The following LCOR variants were observed in gnomAD, a reference collection of about 807,000 sequenced individuals.
LCOR encodes the protein ligand-dependent corepressor.
In LCOR, 14 loss-of-function variants were observed where a neutral mutation model predicts 64.4. The ratio of observed to expected loss-of-function variants is 0.22; its 90% CI spans 0.14 to 0.34. The LOEUF (loss-of-function observed/expected upper bound fraction) is 0.34, where lower values mean the gene tolerates loss of function less well. LCOR is among the 10% of genes least tolerant of loss of function. LCOR has a pLI of 1.00. For missense variants in LCOR, 1,686 were observed against 1,765.3 expected, an observed-to-expected ratio of 0.96 and a Z score of 0.80; for synonymous variants, 643 against 642.5, an observed-to-expected ratio of 1.00 and a Z score of -0.01.
intron 7 of LCOR, chr10:96,958,914 A>AAC (rs1847827658): frequency 6.6e-6 from 1 of 152,022 alleles, no homozygotes; most frequent in African/African-American, 2.4e-5. Context: ...CTTAAAAAAA[A>AAC]AAAAAAAAAA....
intron 4 of LCOR, among the ~76,000 whole-genome samples, chr10:96,920,051 G>A (rs116421345): frequency 3.9e-5 from 6 of 152,182 alleles, no homozygotes; most frequent in African/African-American, 1.4e-4. Flanking sequence ...CTGTTTTTAA[G>A]TTTTTGAGAA....
intron 2 of LCOR, among the ~76,000 whole-genome samples, chr10:96,835,397 A>T (rs375223292): frequency 6.6e-6 from 1 of 152,226 alleles, no homozygotes. Flanking sequence ...GTGCAGAGCA[A>T]TATTTTAATC....
intron 2 of LCOR, among the ~76,000 whole-genome samples, chr10:96,889,528 A>C (rs1234366936): frequency 6.6e-6 from 1 of 152,202 alleles, no homozygotes. Flanking sequence ...GGGAGGTAGC[A>C]CAAGTGATCT....
intron 2 of LCOR, among the ~76,000 whole-genome samples, chr10:96,840,643 T>C (rs762421941): frequency 2.6e-4 from 40 of 152,320 alleles, no homozygotes; most frequent in Admixed American, 3.9e-4. Context: ...AAAATAGAGA[T>C]GGGGTCTGGG....
At chr10:96,890,797 A>G (rs1381974591) in intron 2 of LCOR, among the ~76,000 whole-genome samples, 1 of 152,148 alleles carries the variant, frequency 6.6e-6, no homozygotes, top group Non-Finnish European at 1.5e-5. Flanking sequence ...GTCAACTGAG[A>G]TGATCAGGTT....
chr10:96,851,119 A>T (rs2134378435), intron 2 of LCOR, among the ~76,000 whole-genome samples: 1 of 152,332 alleles, frequency 6.6e-6, no homozygotes, highest in South Asian at 2.1e-4. Context: ...ATCACGAGGG[A>T]CATCTTTTCT....
At chr10:96,840,192 A>G (rs895755535) in intron 2 of LCOR, among the ~76,000 whole-genome samples, 2 of 152,212 alleles carry the variant, frequency 1.3e-5, no homozygotes, top group African/African-American at 4.8e-5. Flanking sequence ...TGTGAGGGTC[A>G]AGTTAGGAAA....
At chr10:96,915,393 C>T (rs546347871) in intron 4 of LCOR, among the ~76,000 whole-genome samples, 3 of 152,216 alleles carry the variant, frequency 2.0e-5, no homozygotes, top group East Asian at 1.9e-4. Context: ...TGGTGACGTG[C>T]GCCTGTAGTC....
chr10:96,863,206 G>GTTTT (rs869227042), intron 2 of LCOR, among the ~76,000 whole-genome samples: 150 of 125,774 alleles, frequency 1.2e-3, no homozygotes, highest in African/African-American at 4.3e-3. Flanking sequence ...TTCTTTTTCT[G>GTTTT]TTTTTTTTTT....
intron 2 of LCOR, among the ~76,000 whole-genome samples, chr10:96,847,886 TAGC>T (rs1845659505): frequency 1.3e-5 from 2 of 152,250 alleles, no homozygotes; most frequent in African/African-American, 2.4e-5. Flanking sequence ...ATGGGCAAGA[TAGC>T]AGAGGATTGA....
chr10:96,977,817 C>CTCATGTTA (rs1848050916), intron 7 of LCOR, among the ~76,000 whole-genome samples: 1 of 152,144 alleles, frequency 6.6e-6, no homozygotes. Flanking sequence ...GGACTGCAGG[C>CTCATGTTA]TCATGTTAGC....
rs1848157008 is a variant in LCOR at position 96,987,340 on chromosome 10, C to CCA, written c.*2207_*2208insAC. On this transcript the variant is annotated 3_prime_UTR_variant, in exon 8 of 8. Transcript: ENST00000421806. ...TGCTGATTCCTGTACAGAAGAGGTG[C>CCA]CCCGTTGGCTGCATACCGACTACCT... 6.6e-6 allele frequency: 1 copy of CCA among 152,152 alleles called. No individual in the cohort carries two copies. The highest frequency in any genetic ancestry group is 2.1e-4 in the South Asian group (1 of 4,824). 9.4% of individuals were successfully genotyped at this position (152,152 alleles called of 1,614,324 possible).
At position 96,889,299 on chromosome 10, in the gene LCOR, G is replaced by T. The variant is rs190056151; in HGVS notation, c.-329-17966G>T. Among the ~76,000 whole-genome samples, 137 of 152,234 alleles carry T rather than the reference G, an allele frequency of 9.0e-4. 1 individual carries two copies. The highest frequency in any genetic ancestry group is 3.2e-3 in the African/African-American group (133 of 41,536). On this transcript the variant is annotated intron_variant, in intron 2 of 7. Transcript: ENST00000421806. ...TTTTTGAAGTTCATCCATGTTGTAC[G>T]TATCAGTATTCATTCATGTTGTCAG...
chr10:96,889,132 C>A (rs1241410916), intron 2 of LCOR, among the ~76,000 whole-genome samples: 1 of 152,198 alleles, frequency 6.6e-6, no homozygotes, highest in Admixed American at 6.5e-5. Context: ...AAAAGATAGA[C>A]CATACCTATT....
chr10:96,876,179 G>T (rs1846161266), intron 2 of LCOR, among the ~76,000 whole-genome samples: 1 of 152,286 alleles, frequency 6.6e-6, no homozygotes, highest in Non-Finnish European at 1.5e-5. Context: ...GAAGTCCAAG[G>T]TTGAGGAGCC....
intron 2 of LCOR, among the ~76,000 whole-genome samples, chr10:96,873,646 A>G (rs1039184197): frequency 4.8e-5 from 7 of 147,148 alleles, no homozygotes; most frequent in African/African-American, 1.7e-4. Flanking sequence ...TCTGTGGCCC[A>G]GGCTGGAGTG....
intron 2 of LCOR, among the ~76,000 whole-genome samples, chr10:96,855,603 G>A (rs961652542): frequency 2.0e-5 from 3 of 150,484 alleles, no homozygotes; most frequent in Non-Finnish European, 4.4e-5. Context: ...CTTGGCTAAT[G>A]TTTTATATTT....
At chr10:96,941,265 G>C (rs1380104143) in intron 4 of LCOR, among the ~76,000 whole-genome samples, 285 of 144,538 alleles carry the variant, frequency 2.0e-3, no homozygotes, top group African/African-American at 6.9e-3. Context: ...CTCCCGGACG[G>C]GGCGGCTGGC....
intron 4 of LCOR, among the ~76,000 whole-genome samples, chr10:96,915,248 C>A (rs1358370456): frequency 1.3e-5 from 2 of 152,136 alleles, no homozygotes; most frequent in Non-Finnish European, 2.9e-5. Flanking sequence ...AAGCCGGGCA[C>A]GGAGGTGCAC....
Sources: allele counts gnomAD v4.1 joint callset (sites outside exome capture counted in the v4.1 genomes callset), GRCh38; gene constraint gnomAD v4.1.1; transcripts MANE v1.5; gene names NCBI Gene and HGNC (gene_info 2026-07-23, HGNC 2026-07-21).